Variants in PTPRE observed in about 807,000 individuals in gnomAD.
PTPRE encodes the protein protein tyrosine phosphatase receptor type E, also known as receptor-type tyrosine-protein phosphatase epsilon.
Under a neutral mutation model 102.0 loss-of-function variants are expected in PTPRE, and 51 were observed. The ratio of observed to expected loss-of-function variants is 0.50; its 90% CI spans 0.40 to 0.63. PTPRE has a LOEUF of 0.63. Ranked by LOEUF, PTPRE falls within the 30% of genes least tolerant of loss-of-function variation. The pLI, the probability that PTPRE is intolerant of heterozygous loss-of-function variation, is 0.00. For missense variants in PTPRE, 752 were observed against 915.1 expected, an observed-to-expected ratio of 0.82 and a Z score of 2.30; for synonymous variants, 345 against 348.2, an observed-to-expected ratio of 0.99 and a Z score of 0.10.
intron 2 of PTPRE, among the ~76,000 whole-genome samples, chr10:127,985,952 G>T (rs1324741385): frequency 6.6e-6 from 1 of 152,060 alleles, no homozygotes; most frequent in Non-Finnish European, 1.5e-5. Flanking sequence ...TTAGCTGAGT[G>T]TGGTGGCGGG....
At chr10:128,023,841 T>C (rs1332256013) in intron 2 of PTPRE, among the ~76,000 whole-genome samples, 2 of 152,238 alleles carry the variant, frequency 1.3e-5, no homozygotes, top group Non-Finnish European at 2.9e-5. Flanking sequence ...GCTTTCGTGA[T>C]CATAAATAGT....
intron 11 of PTPRE, among the ~76,000 whole-genome samples, chr10:128,067,749 T>A (rs1850392332): frequency 6.6e-6 from 1 of 152,234 alleles, no homozygotes; most frequent in Admixed American, 6.5e-5. Context: ...AAGGATGTGC[T>A]GTTGGTGATT....
At chr10:127,975,830 T>A (rs1275945387) in intron 1 of PTPRE, among the ~76,000 whole-genome samples, 1 of 152,088 alleles carries the variant, frequency 6.6e-6, no homozygotes, top group Non-Finnish European at 1.5e-5. Context: ...AAACAGGCCT[T>A]GTTTTCGAGG....
chr10:127,914,763 C>G (rs1355165427), intron 1 of PTPRE, among the ~76,000 whole-genome samples: 1 of 152,312 alleles, frequency 6.6e-6, no homozygotes, highest in Non-Finnish European at 1.5e-5. Context: ...AGATGGTGAG[C>G]TTTTATCTTC....
At chr10:128,048,014 A>T (rs777052918) in intron 5 of PTPRE, among the ~76,000 whole-genome samples, 177 bp downstream of exon 5, 3 of 152,174 alleles carry the variant, frequency 2.0e-5, no homozygotes, top group African/African-American at 2.4e-5. Context: ...CAAAACTTTA[A>T]GGATCATTTT....
chr10:127,979,216 A>G (rs185714000), intron 1 of PTPRE, among the ~76,000 whole-genome samples: 1 of 152,178 alleles, frequency 6.6e-6, no homozygotes, highest in Non-Finnish European at 1.5e-5. Flanking sequence ...AAGCTTTCCC[A>G]TGAGTGGAAG....
intron 1 of PTPRE, among the ~76,000 whole-genome samples, chr10:127,941,806 T>C (rs567633082): frequency 7.2e-5 from 11 of 151,902 alleles, no homozygotes; most frequent in Non-Finnish European, 1.6e-4. Context: ...GAAGCCTTGA[T>C]CTGTACATCC....
intron 2 of PTPRE, among the ~76,000 whole-genome samples, chr10:127,997,260 C>G (rs752884334): frequency 2.6e-5 from 4 of 152,182 alleles, no homozygotes; most frequent in African/African-American, 2.4e-5. Context: ...CAGCTGACCA[C>G]TAACTGGCCC....
At chr10:128,055,390 C>T (rs985660123) in intron 6 of PTPRE, among the ~76,000 whole-genome samples, 4 of 152,154 alleles carry the variant, frequency 2.6e-5, no homozygotes, top group African/African-American at 7.2e-5. Flanking sequence ...GGATAGGGGC[C>T]CCGCGGCATT....
intron 11 of PTPRE, among the ~76,000 whole-genome samples, chr10:128,067,223 CACACACAT>C (rs761303555): frequency 1.4e-5 from 2 of 138,410 alleles, no homozygotes; most frequent in African/African-American, 5.5e-5. Flanking sequence ...CATTCACATG[CACACACAT>C]GCACACACGC....
In PTPRE at chr10:128,015,752, AG is replaced by A. The variant is rs1254026592; in HGVS notation, c.-7-25122del. 3.9e-5 allele frequency among the ~76,000 whole-genome samples: 6 copies of A among 152,196 alleles called. No individual in the cohort carries two copies. The East Asian group carries it at 1.2e-3, about 29-fold the overall frequency. On this transcript the variant is annotated intron_variant, in intron 2 of 20. Coordinates refer to ENST00000254667, the MANE Select transcript of PTPRE (RefSeq NM_006504.6). The stretch of plus-strand genomic sequence containing the variant: ...CTTGGGCCCTGGAATTCGAGGTTAC[AG>A]TGAGCTATGATCTTGCAACTGCACT...
chr10:128,053,208 G>A (rs766116290), intron 6 of PTPRE, among the ~76,000 whole-genome samples: 15 of 152,098 alleles, frequency 9.9e-5, no homozygotes, highest in Non-Finnish European at 1.6e-4. Context: ...TCGAGATCGC[G>A]CCACTGCCCT....
intron 1 of PTPRE, among the ~76,000 whole-genome samples, chr10:127,971,934 C>T (rs971551253): frequency 7.2e-5 from 11 of 152,180 alleles, no homozygotes; most frequent in Admixed American, 5.2e-4. Context: ...ATTCAACTTC[C>T]GGAGCTTTTA....
At chr10:128,042,866 G>A (rs1847820242) in intron 3 of PTPRE, among the ~76,000 whole-genome samples, 1 of 152,080 alleles carries the variant, frequency 6.6e-6, no homozygotes, top group South Asian at 2.1e-4. Context: ...GAACACAGTC[G>A]AAAAATGAGT....
At chr10:127,964,907 A>T in intron 1 of PTPRE, 1 of 428,096 alleles carries the variant, frequency 2.3e-6, no homozygotes, top group Admixed American at 2.7e-5. Context: ...CTGCTGCTGG[A>T]AGGTCAGGGA....
At chr10:128,037,644 G>A (rs1030710338) in intron 2 of PTPRE, among the ~76,000 whole-genome samples, 1 of 152,216 alleles carries the variant, frequency 6.6e-6, no homozygotes, top group African/African-American at 2.4e-5. Context: ...TAGATAGCAG[G>A]TTGACTGTTG....
At chr10:127,975,840 G>A (rs1851121790) in intron 1 of PTPRE, among the ~76,000 whole-genome samples, 1 of 152,172 alleles carries the variant, frequency 6.6e-6, no homozygotes, top group Non-Finnish European at 1.5e-5. Context: ...TGTTTTCGAG[G>A]ACTGCTGCTC....
At chr10:128,035,445 C>T (rs963233190) in intron 2 of PTPRE, among the ~76,000 whole-genome samples, 1 of 152,124 alleles carries the variant, frequency 6.6e-6, no homozygotes, top group African/African-American at 2.4e-5. Context: ...ATCATTTTAG[C>T]CCCCTCCTTT....
intron 1 of PTPRE, among the ~76,000 whole-genome samples, chr10:127,971,317 A>C (rs568114087): frequency 2.2e-3 from 337 of 152,300 alleles, no homozygotes; most frequent in Non-Finnish European, 3.9e-3. Flanking sequence ...AGCTGTTGGG[A>C]GCATGGGTCT....
Sources: allele counts gnomAD v4.1 joint callset (sites outside exome capture counted in the v4.1 genomes callset), GRCh38; gene constraint gnomAD v4.1.1; transcripts MANE v1.5; gene names NCBI Gene and HGNC (gene_info 2026-07-23, HGNC 2026-07-21).